The following TIAM2 variants were observed in gnomAD, a reference collection of about 807,000 sequenced individuals.
The protein encoded by TIAM2 is TIAM Rac1 associated GEF 2.
In TIAM2, 80 loss-of-function variants were observed where a neutral mutation model predicts 152.9. The observed-to-expected ratio is 0.52, with a 90% confidence interval of 0.44 to 0.63. The LOEUF is 0.63. Among genes scored for constraint, TIAM2 ranks in the 30% least tolerant of loss-of-function variants. The pLI is 0.00. For missense variants in TIAM2, 1,965 were observed against 2,120.1 expected (o/e 0.93, Z 1.44); for synonymous variants, 804 against 838.0 (o/e 0.96, Z 0.70).
intron 15 of TIAM2, among the ~76,000 whole-genome samples, chr6:155,239,268 T>G (rs567505458): frequency 6.6e-6 from 1 of 152,324 alleles, no homozygotes; most frequent in Middle Eastern, 3.4e-3. Context: ...TGGCTGTTAA[T>G]GGATGCCAGT....
chr6:155,210,546 A>G (rs1417121925), intron 14 of TIAM2, among the ~76,000 whole-genome samples: 1 of 151,660 alleles, frequency 6.6e-6, no homozygotes, highest in Non-Finnish European at 1.5e-5. Flanking sequence ...TATGTTGCCC[A>G]GGGTGGTCTC....
chr6:155,029,679 T>TTATATAACTATATAG (rs1562295445), intron 1 of TIAM2, among the ~76,000 whole-genome samples: 3 of 103,500 alleles, frequency 2.9e-5, no homozygotes, highest in African/African-American at 7.2e-5. Context: ...ATATACAGAG[T>TTATATAACTATATAG]TATATAACTA....
intron 1 of TIAM2, among the ~76,000 whole-genome samples, chr6:155,044,626 C>T (rs2114911625): frequency 6.6e-6 from 1 of 152,156 alleles, no homozygotes; most frequent in Middle Eastern, 3.4e-3. Flanking sequence ...ACCAGCCTGG[C>T]CAACATGGTG....
At chr6:155,035,044 G>A (rs915753781) in intron 1 of TIAM2, among the ~76,000 whole-genome samples, 8 of 152,082 alleles carry the variant, frequency 5.3e-5, no homozygotes, top group African/African-American at 1.9e-4. Context: ...ACCTATATGG[G>A]TCCACGAAGC....
rs183941657 is a variant in TIAM2 at position 155,155,635 on chromosome 6, C to T, written c.2028+7301C>T. ...GATTACAGGCGTACGCCACCACACC[C>T]GGCAAATTTTTGTATTTTTTGTAGA... On this transcript the variant is annotated intron_variant, in intron 7 of 26. Transcript: ENST00000682666. 3.0e-3 allele frequency among the ~76,000 whole-genome samples: 460 copies of T among 152,196 alleles called. 3 individuals carry two copies. The highest frequency in any genetic ancestry group is 0.01 in the African/African-American group (435 of 41,530).
chr6:155,163,363 C>A (rs531028220), intron 7 of TIAM2, among the ~76,000 whole-genome samples: 1 of 152,288 alleles, frequency 6.6e-6, no homozygotes, highest in East Asian at 1.9e-4. Context: ...AGCCTCTCTT[C>A]ACCTATTATT....
intron 1 of TIAM2, among the ~76,000 whole-genome samples, chr6:155,088,212 G>A (rs1057366978): frequency 2.6e-5 from 4 of 151,686 alleles, no homozygotes; most frequent in Admixed American, 6.6e-5. Flanking sequence ...GCGCCACCAC[G>A]CCCGGCTAAT....
At chr6:155,014,780 C>T (rs778242208) in intron 1 of TIAM2, among the ~76,000 whole-genome samples, 1 of 152,108 alleles carries the variant, frequency 6.6e-6, no homozygotes, top group Non-Finnish European at 1.5e-5. Context: ...AGAGATAGGG[C>T]CAGAGCAGCA....
intron 1 of TIAM2, among the ~76,000 whole-genome samples, chr6:155,057,855 AC>A (rs1777490683): frequency 6.6e-6 from 1 of 151,500 alleles, no homozygotes; most frequent in Non-Finnish European, 1.5e-5. Flanking sequence ...CCCATAATGT[AC>A]TCTTTGGAAG....
intron 16 of TIAM2, among the ~76,000 whole-genome samples, chr6:155,241,294 T>G (rs982983603): frequency 6.6e-6 from 1 of 152,220 alleles, no homozygotes; most frequent in Non-Finnish European, 1.5e-5. Flanking sequence ...AAAGATTTTA[T>G]GAAGAATACT....
At chr6:155,062,359 G>T (rs535283467) in intron 1 of TIAM2, among the ~76,000 whole-genome samples, 1 of 152,192 alleles carries the variant, frequency 6.6e-6, no homozygotes, top group South Asian at 2.1e-4. Flanking sequence ...ATACCTAGGA[G>T]TAGAATTGTT....
chr6:155,172,121 A>T (rs1780598736), intron 9 of TIAM2, among the ~76,000 whole-genome samples: 1 of 152,164 alleles, frequency 6.6e-6, no homozygotes, highest in African/African-American at 2.4e-5. Flanking sequence ...AATAATAATA[A>T]TAATAAATAC....
chr6:155,154,422 T>A (rs1427082776), intron 7 of TIAM2, among the ~76,000 whole-genome samples: 1 of 152,196 alleles, frequency 6.6e-6, no homozygotes, highest in African/African-American at 2.4e-5. Flanking sequence ...TGACATGCTC[T>A]GGCCGTGTCC....
At chr6:155,249,796 A>G in intron 20 of TIAM2, 55 bp from the exon 21 acceptor site, 1 of 1,454,248 alleles carries the variant, frequency 6.9e-7, no homozygotes, top group Non-Finnish European at 9.5e-7. Context: ...TTACTGTTGG[A>G]TAGAATCTAA....
chr6:155,114,036 A>ATTTTTTTTTTTTTTTTTTTTTT (rs869241399), intron 2 of TIAM2, among the ~76,000 whole-genome samples: 7 of 34,906 alleles, frequency 2.0e-4, no homozygotes, highest in East Asian at 7.1e-4. Context: ...ATATATATAT[A>ATTTTTTTTTTTTTTTTTTTTTT]TTTTTTTTTT....
At chr6:155,057,017 CTTTT>C (rs71023612) in intron 1 of TIAM2, among the ~76,000 whole-genome samples, 25 of 43,860 alleles carry the variant, frequency 5.7e-4, no homozygotes, top group East Asian at 2.1e-3. Flanking sequence ...AGTTTTCTTT[CTTTT>C]TTTTTTTTTT....
At chr6:155,054,931 T>C (rs1777408907) in intron 1 of TIAM2, among the ~76,000 whole-genome samples, 1 of 152,138 alleles carries the variant, frequency 6.6e-6, no homozygotes, top group Non-Finnish European at 1.5e-5. Context: ...CTGGGTTACT[T>C]TCTGTGGTCG....
Position 155,240,673 on chromosome 6 carries a change from C to G in TIAM2, c.3312C>G (p.Ile1104Met). ...LSDADRLRKV[I>M]QELVDTEKSY... ...ATGCAGACCGCCTCCGCAAAGTCATCCAGGAGCTTGTGGACACAGAGAAGT... is the reference window on the plus strand; with the variant it reads ...ATGCAGACCGCCTCCGCAAAGTCATGCAGGAGCTTGTGGACACAGAGAAGT... The change falls in exon 16 of 27, where the codon ATC becomes ATG. Residue 1104 changes from isoleucine to methionine, a missense_variant. Physicochemically the swap from Ile to Met is conservative, Grantham distance 10. Transcript: ENST00000682666. 1 of 1,613,606 alleles carries G rather than the reference C, an allele frequency of 6.2e-7. No homozygotes were observed. Among genetic ancestry groups the G allele is most frequent in the Non-Finnish European group, 8.5e-7 (1 of 1,179,988 alleles).
chr6:155,095,585 C>T (rs1463482703), intron 2 of TIAM2, among the ~76,000 whole-genome samples: 12 of 152,140 alleles, frequency 7.9e-5, no homozygotes, highest in African/African-American at 2.7e-4. Flanking sequence ...GTGAACTTTC[C>T]GTCACTCAAT....
Sources: gnomAD v4.1 joint callset for allele counts (sites outside exome capture counted in the v4.1 genomes callset) on GRCh38, gnomAD v4.1.1 for gene constraint, MANE v1.5 for transcripts, NCBI Gene and HGNC (gene_info 2026-07-23, HGNC 2026-07-21) for gene names.